NOSTRIN: variants seen among roughly 807,000 people sequenced by gnomAD.
NOSTRIN encodes the protein nitric oxide synthase trafficking.
In NOSTRIN, 63 loss-of-function variants were observed where a neutral mutation model predicts 59.0. The observed-to-expected ratio is 1.07, with a 90% CI of 0.87 to 1.32. The LOEUF (loss-of-function observed/expected upper bound fraction) is 1.32. Ranked by LOEUF, NOSTRIN falls within the 40% of genes most tolerant of loss-of-function variation. The probability of loss-of-function intolerance (pLI) is 0.00; values close to 1 mark genes in which losing one functional copy is unlikely to be tolerated. For missense variants in NOSTRIN, 512 were observed against 473.1 expected, an observed-to-expected ratio of 1.08 and a Z score of -0.76; for synonymous variants, 200 against 165.4, an observed-to-expected ratio of 1.21 and a Z score of -1.61.
rs114071543 is a variant in NOSTRIN, at chr2:168,831,845, A to G, written c.405+311A>G. 2.8e-3 allele frequency among the ~76,000 whole-genome samples: 428 copies of G among 152,336 alleles called. 4 individuals carry two copies. Among genetic ancestry groups the G allele is most frequent in the Non-Finnish European group, 4.9e-3 (330 of 68,032 alleles). ...ATTTTACAGATTGGGCAATGGAGACACAGAGAGTTTCAGTAATTTTCCCAA... is the reference window on the plus strand; with the variant it reads ...ATTTTACAGATTGGGCAATGGAGACGCAGAGAGTTTCAGTAATTTTCCCAA... On this transcript the variant is annotated intron_variant, in intron 6 of 15. Transcript: ENST00000317647.
At chr2:168,850,188 T>C (rs761586678) in intron 8 of NOSTRIN, among the ~76,000 whole-genome samples, 3 of 152,146 alleles carry the variant, frequency 2.0e-5, no homozygotes, top group Non-Finnish European at 4.4e-5. Context: ...GCTGGGATTA[T>C]AGGCATGAGC....
chr2:168,832,029 G>A (rs1252991626), intron 6 of NOSTRIN, among the ~76,000 whole-genome samples: 1 of 152,074 alleles, frequency 6.6e-6, no homozygotes. Flanking sequence ...TTCATTTGTA[G>A]AAAGGTGTTA....
chr2:168,844,313 G>A (rs1383695503), intron 8 of NOSTRIN, among the ~76,000 whole-genome samples: 6 of 151,914 alleles, frequency 3.9e-5, no homozygotes, highest in African/African-American at 1.5e-4. Context: ...ACATAAATAT[G>A]ACCAAATTAA....
In NOSTRIN at chr2:168,865,125, C is replaced by A; in HGVS notation, c.*155C>A. 3.8e-6 allele frequency: 3 copies of A among 788,104 alleles called. No homozygotes were observed. Among genetic ancestry groups the A allele is most frequent in the Non-Finnish European group, 5.9e-6 (3 of 509,980 alleles). 48.8% of individuals were successfully genotyped at this position (788,104 alleles called of 1,614,324 possible). ...AGCACTTTGCATTCATGATTATTAG[C>A]TTGAAACAGTCAGAAAAAAGATGGA... is the stretch of plus-strand genomic sequence containing the variant. On this transcript the variant is annotated 3_prime_UTR_variant, in exon 16 of 16. Coordinates refer to ENST00000317647, the MANE Select transcript of NOSTRIN (RefSeq NM_001039724.4).
chr2:168,796,119 G>A (rs945041408), upstream of NOSTRIN, among the ~76,000 whole-genome samples: 1 of 152,204 alleles, frequency 6.6e-6, no homozygotes, highest in African/African-American at 2.4e-5. Context: ...TCCATCTGAG[G>A]GTGATTGGTG....
intron 14 of NOSTRIN, among the ~76,000 whole-genome samples, chr2:168,861,435 A>G (rs1689441150): frequency 6.6e-6 from 1 of 152,106 alleles, no homozygotes; most frequent in African/African-American, 2.4e-5. Context: ...ATGTTCAAGT[A>G]TAATTACCAT....
chr2:168,844,289 CA>C (rs1224154420), intron 8 of NOSTRIN, among the ~76,000 whole-genome samples: 1 of 152,168 alleles, frequency 6.6e-6, no homozygotes, highest in Non-Finnish European at 1.5e-5. Context: ...TGAAGCAGTA[CA>C]ACCCCAGGCT....
rs1004375950 is a variant in NOSTRIN at position 168,828,457 on chromosome 2, C to A, written c.298C>A (p.Pro100Thr). 4.6e-6 allele frequency: 4 copies of A among 872,144 alleles called. No homozygotes were observed. The highest frequency in any genetic ancestry group is 2.2e-4 in the Middle Eastern group (1 of 4,604). The allele number at this position is 872,144 out of a possible 1,614,324, so 54.0% of individuals were successfully genotyped here. Reference protein sequence around the residue: ...GKAIELEAIKPTYQVLNVQEK... With the variant: ...GKAIELEAIKTTYQVLNVQEK... Reference sequence around the variant, plus strand: ...AGCAATTGAATTGGAAGCAATAAAACCGACTTATCAAGTCCTAAATGTACA... The same window carrying A: ...AGCAATTGAATTGGAAGCAATAAAAACGACTTATCAAGTCCTAAATGTACA... The change falls in exon 5 of 16, where the codon CCG becomes ACG. Residue 100 changes from proline to threonine, a missense_variant. By Grantham distance (38) the Pro-to-Thr change is conservative. Coordinates refer to ENST00000317647, the MANE Select transcript of NOSTRIN (RefSeq NM_001039724.4).
intron 13 of NOSTRIN, 90 bp downstream of exon 13, chr2:168,859,727 GA>G (rs1481720941): frequency 2.0e-6 from 3 of 1,468,002 alleles, no homozygotes; most frequent in Non-Finnish European, 2.8e-6. Flanking sequence ...AAGGTGTTAG[GA>G]ATTCTATGTG....
intron 8 of NOSTRIN, among the ~76,000 whole-genome samples, chr2:168,848,875 A>G (rs1217324229): frequency 6.6e-6 from 1 of 152,228 alleles, no homozygotes; most frequent in Non-Finnish European, 1.5e-5. Context: ...TGGTGTTTGC[A>G]TAATAATGTG....
At chr2:168,804,926 A>T (rs1390034519) in intron 1 of NOSTRIN, among the ~76,000 whole-genome samples, 1 of 152,242 alleles carries the variant, frequency 6.6e-6, no homozygotes, top group African/African-American at 2.4e-5. Flanking sequence ...CAGTTGTTGC[A>T]CATATCTAGA....
At chr2:168,821,412 C>A (rs1686730220) in intron 2 of NOSTRIN, among the ~76,000 whole-genome samples, 1 of 152,212 alleles carries the variant, frequency 6.6e-6, no homozygotes, top group Non-Finnish European at 1.5e-5. Flanking sequence ...CAACCAAGAC[C>A]TGGTGGGAAG....
At chr2:168,798,378 G>C (rs1451378595), upstream of NOSTRIN, among the ~76,000 whole-genome samples, 9 of 152,208 alleles carry the variant, frequency 5.9e-5, no homozygotes, top group East Asian at 1.7e-3. Flanking sequence ...TTACATTTGG[G>C]CTCCTTTTTC....
chr2:168,808,331 G>C (rs1685969027), intron 1 of NOSTRIN, among the ~76,000 whole-genome samples: 1 of 152,142 alleles, frequency 6.6e-6, no homozygotes, highest in Admixed American at 6.5e-5. Context: ...TTTCCCTTAG[G>C]ACATTTCATC....
intron 15 of NOSTRIN, among the ~76,000 whole-genome samples, chr2:168,863,087 CA>C (rs1689573877): frequency 6.6e-6 from 1 of 152,172 alleles, no homozygotes; most frequent in South Asian, 2.1e-4. Flanking sequence ...TAAGTTACAT[CA>C]TTCACAATAA....
chr2:168,843,060 C>T lies in NOSTRIN; in HGVS notation c.573C>T (p.Asn191=). The change falls in exon 8 of 16, where the codon AAC becomes AAT. Residue 191 remains asparagine (N), a synonymous_variant. Coordinates refer to ENST00000317647, the MANE Select transcript of NOSTRIN (RefSeq NM_001039724.4). The part of the protein sequence containing the change: ...EKEDENYYQK[N]MAGYSTRLKW... ...AAGATGAAAATTACTACCAAAAAAA[C>T]ATGGCGGGTTATTCTACCAGACTGA... 1 of 872,612 alleles carries T rather than the reference C, an allele frequency of 1.1e-6. No homozygotes were observed. Among genetic ancestry groups the T allele is most frequent in the South Asian group, 1.3e-5 (1 of 76,490 alleles). 54.1% of individuals were successfully genotyped at this position (872,612 alleles called of 1,614,324 possible).
chr2:168,864,178 G>A (rs1689693206), intron 15 of NOSTRIN, among the ~76,000 whole-genome samples: 1 of 152,048 alleles, frequency 6.6e-6, no homozygotes, highest in South Asian at 2.1e-4. Context: ...ATGTTGGCCA[G>A]GCTGGTCTCA....
At chr2:168,862,128 G>A (rs1574345417) in intron 15 of NOSTRIN, 79 bp downstream of exon 15, 2 of 1,293,430 alleles carry the variant, frequency 1.5e-6, no homozygotes, top group East Asian at 2.3e-5. Context: ...TCTTAGTGTG[G>A]CAGCCTTAAG....
intron 8 of NOSTRIN, among the ~76,000 whole-genome samples, chr2:168,844,874 A>AC: frequency 1.1e-5 from 1 of 93,338 alleles, no homozygotes; most frequent in East Asian, 3.7e-4. Flanking sequence ...CGTCTCAAAA[A>AC]GAAAAAAAAA....
Sources: gnomAD v4.1 joint callset for allele counts (sites outside exome capture counted in the v4.1 genomes callset) on GRCh38, gnomAD v4.1.1 for gene constraint, MANE v1.5 for transcripts, NCBI Gene and HGNC (gene_info 2026-07-23, HGNC 2026-07-21) for gene names.